DHRSX: variants seen among roughly 807,000 people sequenced by gnomAD.
The protein encoded by DHRSX is polyprenol dehydrogenase.
A neutral mutation model predicts 34.0 loss-of-function variants in DHRSX; 31 were observed. That is an observed-to-expected ratio of 0.91 (90% CI 0.69 to 1.23). DHRSX has a LOEUF of 1.23. Ranked by LOEUF, DHRSX falls within the 50% of genes most tolerant of loss-of-function variation. The pLI is 0.00. For synonymous variants in DHRSX, 201 were observed against 183.8 expected (o/e 1.09, Z -0.76); for missense variants, 414 against 428.1 (o/e 0.97, Z 0.29).
Position 2,246,642 on chromosome X carries a change from CAGAA to C in DHRSX, c.597-3416_597-3413del, listed in dbSNP as rs1256613910. On this transcript the variant is annotated intron_variant, in intron 5 of 6. Transcript: ENST00000334651. ...TGTCAAAAAAAGAAAGAAAGAAAGA[CAGAA>C]AGAGAGAAAGAAAGAAAAGAAAGAA... is the stretch of plus-strand genomic sequence containing the variant. Among the ~76,000 whole-genome samples, 243 of 84,282 alleles carry C rather than the reference CAGAA, an allele frequency of 2.9e-3. 1 individual carries two copies. Among genetic ancestry groups the C allele is most frequent in the African/African-American group, 0.01 (226 of 22,376 alleles). The allele number at this position is 84,282 out of a possible 152,430, so 55.3% of individuals were successfully genotyped here. A position where few individuals can be genotyped will look rare whatever the true frequency, so the allele number is the denominator to read the frequency against.
At chrX:2,492,252 G>A (rs747875353) in intron 1 of DHRSX, among the ~76,000 whole-genome samples, 1 of 152,292 alleles carries the variant, frequency 6.6e-6, no homozygotes, top group Admixed American at 6.5e-5. Context: ...TCTCAATTGA[G>A]GTGGTCCTAA....
At chrX:2,364,179 G>A (rs2042972130) in intron 3 of DHRSX, among the ~76,000 whole-genome samples, 1 of 152,100 alleles carries the variant, frequency 6.6e-6, no homozygotes, top group African/African-American at 2.4e-5. Context: ...CACAGAACTG[G>A]GCTGGCATCT....
intron 3 of DHRSX, among the ~76,000 whole-genome samples, chrX:2,321,333 G>A (rs911116687): frequency 2.0e-5 from 3 of 152,112 alleles, no homozygotes; most frequent in East Asian, 3.9e-4. Context: ...TTTACAGCTC[G>A]TGTCAGCCCA....
intron 3 of DHRSX, among the ~76,000 whole-genome samples, chrX:2,315,792 A>G (rs1469200792): frequency 6.6e-6 from 1 of 152,172 alleles, no homozygotes; most frequent in Non-Finnish European, 1.5e-5. Flanking sequence ...TCTGTAGCTT[A>G]GGATGCTCTT....
At chrX:2,245,465 C>T (rs1393408653) in intron 5 of DHRSX, among the ~76,000 whole-genome samples, 20 of 151,742 alleles carry the variant, frequency 1.3e-4, no homozygotes, top group South Asian at 6.3e-4. Flanking sequence ...CCCGCCACCA[C>T]GCCCGGCTAA....
chrX:2,270,837 A>T (rs751508971), intron 4 of DHRSX, among the ~76,000 whole-genome samples: 1 of 152,300 alleles, frequency 6.6e-6, no homozygotes, highest in Non-Finnish European at 1.5e-5. Context: ...TGGACCATTC[A>T]GCAGTCTGTA....
chrX:2,468,576 C>T (rs192111466), intron 1 of DHRSX, among the ~76,000 whole-genome samples: 276 of 136,104 alleles, frequency 2.0e-3, no homozygotes, highest in Non-Finnish European at 3.5e-3. Context: ...GGACTACTGC[C>T]ATGTACACAC....
intron 1 of DHRSX, among the ~76,000 whole-genome samples, chrX:2,463,292 G>T (rs946340678): frequency 1.3e-5 from 2 of 152,110 alleles, no homozygotes; most frequent in Non-Finnish European, 2.9e-5. Context: ...CTCCGGCCTG[G>T]GCGACACAGC....
chrX:2,274,883 T>C (rs915506225), intron 4 of DHRSX, among the ~76,000 whole-genome samples: 20 of 152,120 alleles, frequency 1.3e-4, no homozygotes, highest in Non-Finnish European at 2.6e-4. Context: ...TAGGTATTAA[T>C]TTTCCTCTTC....
chrX:2,415,339 G>A (rs2043680036), intron 2 of DHRSX, among the ~76,000 whole-genome samples: 1 of 149,208 alleles, frequency 6.7e-6, no homozygotes, highest in South Asian at 2.1e-4. Context: ...ATCTCAACAT[G>A]ACCAACCAAC....
intron 4 of DHRSX, among the ~76,000 whole-genome samples, chrX:2,287,998 C>T (rs972072635): frequency 9.2e-5 from 14 of 152,076 alleles, no homozygotes; most frequent in African/African-American, 3.4e-4. Flanking sequence ...GCAAAAGGGC[C>T]TTTGTAGATG....
rs762154321 is a variant in DHRSX, at chrX:2,408,558, G to A, written c.286+187C>T. Among the ~76,000 whole-genome samples the A allele has an allele frequency of 1.1e-3, 164 of 152,040 alleles. 2 individuals carry two copies. Among genetic ancestry groups the A allele is most frequent in the Admixed American group, 2.2e-3 (34 of 15,254 alleles). ...GTCAGAGCTGAGTGATGCTATCTTC[G>A]CCTTGCCTTGACCATCTCCTGCTCT... On this transcript the variant is annotated intron_variant, in intron 3 of 6. Transcript: ENST00000334651.
At chrX:2,397,511 G>T (rs2043426721) in intron 3 of DHRSX, among the ~76,000 whole-genome samples, 1 of 152,012 alleles carries the variant, frequency 6.6e-6, no homozygotes, top group African/African-American at 2.4e-5. Flanking sequence ...CTGTGCTCTG[G>T]TGGGAGAAGA....
chrX:2,318,818 T>G (rs2042271759), intron 3 of DHRSX, among the ~76,000 whole-genome samples: 1 of 152,134 alleles, frequency 6.6e-6, no homozygotes, highest in Non-Finnish European at 1.5e-5. Flanking sequence ...ACTTTCTTAA[T>G]CAACTTGCTT....
intron 1 of DHRSX, among the ~76,000 whole-genome samples, chrX:2,466,892 CCT>C (rs1346316446): frequency 6.6e-6 from 1 of 151,892 alleles, no homozygotes; most frequent in Non-Finnish European, 1.5e-5. Flanking sequence ...ATGCTGAAAC[CCT>C]GTCACTACTA....
intron 1 of DHRSX, among the ~76,000 whole-genome samples, chrX:2,451,614 A>G (rs188227661): frequency 2.4e-4 from 37 of 152,300 alleles, no homozygotes; most frequent in Non-Finnish European, 5.0e-4. Context: ...AATGTCTGAG[A>G]CGGCCACGTG....
chrX:2,330,829 G>A (rs986539216), intron 3 of DHRSX, among the ~76,000 whole-genome samples: 1 of 152,036 alleles, frequency 6.6e-6, no homozygotes, highest in Non-Finnish European at 1.5e-5. Flanking sequence ...TGAAAGAAGA[G>A]AGAGATGAGA....
intron 1 of DHRSX, among the ~76,000 whole-genome samples, chrX:2,497,019 A>C (rs1210637054): frequency 5.9e-5 from 9 of 152,096 alleles, no homozygotes; most frequent in Non-Finnish European, 1.3e-4. Context: ...TTAATGTCTA[A>C]CAGGATGACT....
chrX:2,481,639 C>A (rs1176119747), intron 1 of DHRSX, among the ~76,000 whole-genome samples: 5 of 152,020 alleles, frequency 3.3e-5, no homozygotes, highest in African/African-American at 1.2e-4. Context: ...GCACTCCAGC[C>A]TGGGCAACAA....
Sources: allele counts gnomAD v4.1 joint callset (sites outside exome capture counted in the v4.1 genomes callset), GRCh38; gene constraint gnomAD v4.1.1; transcripts MANE v1.5; gene names NCBI Gene and HGNC (gene_info 2026-07-23, HGNC 2026-07-21).